The following STXBP5L variants were observed in gnomAD, a reference collection of about 807,000 sequenced individuals.
STXBP5L encodes the protein syntaxin-binding protein 5-like.
In STXBP5L, 65 loss-of-function variants were observed where a neutral mutation model predicts 144.5. The ratio of observed to expected loss-of-function variants is 0.45; its 90% CI spans 0.37 to 0.55. STXBP5L has a LOEUF of 0.55. STXBP5L is among the 20% of genes least tolerant of loss of function. The pLI, the probability that STXBP5L is intolerant of heterozygous loss-of-function variation, is 0.00. For missense variants in STXBP5L, 1,298 were observed against 1,405.5 expected, an observed-to-expected ratio of 0.92 and a Z score of 1.22; for synonymous variants, 505 against 469.6, an observed-to-expected ratio of 1.08 and a Z score of -0.97.
chr3:120,974,564 A>G (rs1382359737), intron 3 of STXBP5L, among the ~76,000 whole-genome samples: 1 of 152,062 alleles, frequency 6.6e-6, no homozygotes, highest in East Asian at 1.9e-4. Flanking sequence ...CCATTTGTCA[A>G]CTTTGGCTTT....
In STXBP5L at chr3:121,235,464, T is replaced by C. The variant is rs530355470; in HGVS notation, c.1184+1776T>C. Among the ~76,000 whole-genome samples, 240 of 152,236 alleles carry C rather than the reference T, an allele frequency of 1.6e-3. 1 individual carries two copies. The highest frequency in any genetic ancestry group is 2.9e-3 in the Non-Finnish European group (197 of 67,988). On this transcript the variant is annotated intron_variant, in intron 12 of 26. Transcript: ENST00000471454. ...TTTCTCTTTTTAATATCTTTTTGCC[T>C]ACTCTTTGCCAATGTACTAAAACAA...
At position 121,363,245 on chromosome 3, in the gene STXBP5L, G is replaced by T. The variant is rs553739005; in HGVS notation, c.2177-15471G>T. The stretch of plus-strand genomic sequence containing the variant: ...AGCAGTCCCTTGGCTGACCCAGCTG[G>T]TGTCTCAATATGTTGTTTGCCCCCG... On this transcript the variant is annotated intron_variant, in intron 20 of 26. Coordinates refer to ENST00000471454, the MANE Select transcript of STXBP5L (RefSeq NM_001308330.2). Among the ~76,000 whole-genome samples the T allele has an allele frequency of 2.2e-4, 34 of 152,228 alleles. No individual in the cohort carries two copies. The South Asian group carries it at 6.2e-3, about 28-fold the overall frequency.
At chr3:120,944,832 T>C (rs1248592683) in intron 2 of STXBP5L, among the ~76,000 whole-genome samples, 1 of 151,818 alleles carries the variant, frequency 6.6e-6, no homozygotes, top group African/African-American at 2.4e-5. Flanking sequence ...TTTTCTTTCA[T>C]CCAAGAGAGC....
At chr3:120,975,755 A>T (rs534221126) in intron 3 of STXBP5L, among the ~76,000 whole-genome samples, 2 of 151,404 alleles carry the variant, frequency 1.3e-5, no homozygotes, top group Non-Finnish European at 2.9e-5. Flanking sequence ...TAGCATGAAG[A>T]GTTGTTGAAT....
rs182058921 is a variant in STXBP5L, at chr3:121,012,973, C to T, written c.288-28727C>T. On this transcript the variant is annotated intron_variant, in intron 3 of 26. Transcript: ENST00000471454. The stretch of plus-strand genomic sequence containing the variant: ...GATTTTCTGTTTCTTTATTAATTTG[C>T]TTATGATAATGGCCTCCAGCTGCAT... Among the ~76,000 whole-genome samples the T allele has an allele frequency of 4.6e-4, 70 of 152,002 alleles. 1 individual carries two copies. The highest frequency in any genetic ancestry group is 1.5e-3 in the African/African-American group (63 of 41,512).
intron 2 of STXBP5L, among the ~76,000 whole-genome samples, chr3:120,954,195 A>G (rs1371563107): frequency 1.3e-5 from 2 of 152,140 alleles, no homozygotes; most frequent in South Asian, 2.1e-4. Context: ...ATAGATTTTA[A>G]TATTTGTTTC....
intron 25 of STXBP5L, among the ~76,000 whole-genome samples, chr3:121,417,492 C>T (rs922014215): frequency 6.7e-6 from 1 of 150,156 alleles, no homozygotes; most frequent in Admixed American, 6.6e-5. Flanking sequence ...AAAAAAGAAT[C>T]TCACTTGGCT....
intron 3 of STXBP5L, among the ~76,000 whole-genome samples, chr3:120,997,902 T>A (rs779951563): frequency 6.6e-5 from 10 of 152,184 alleles, no homozygotes; most frequent in Non-Finnish European, 1.3e-4. Context: ...ATACACTTTA[T>A]ACCTAGAATG....
At chr3:121,097,558 T>C (rs1163308686) in intron 5 of STXBP5L, among the ~76,000 whole-genome samples, 1 of 152,060 alleles carries the variant, frequency 6.6e-6, no homozygotes, top group East Asian at 1.9e-4. Flanking sequence ...CTTCCCTTGG[T>C]TAGGGGAGAA....
intron 20 of STXBP5L, among the ~76,000 whole-genome samples, chr3:121,356,042 T>C (rs2045499959): frequency 6.6e-6 from 1 of 152,210 alleles, no homozygotes; most frequent in South Asian, 2.1e-4. Flanking sequence ...CAAATATTGC[T>C]GCCTAATCCT....
intron 3 of STXBP5L, among the ~76,000 whole-genome samples, chr3:120,999,359 T>G (rs1943593460): frequency 6.6e-6 from 1 of 152,198 alleles, no homozygotes; most frequent in African/African-American, 2.4e-5. Flanking sequence ...TGTTGTGGTT[T>G]AAAGTTTGTT....
intron 20 of STXBP5L, among the ~76,000 whole-genome samples, chr3:121,359,919 C>T (rs1009370146): frequency 7.2e-6 from 1 of 138,918 alleles, no homozygotes; most frequent in South Asian, 2.3e-4. Flanking sequence ...CAGTTTGGTT[C>T]TTTTTGCTTA....
At chr3:120,976,682 A>T (rs1941067493) in intron 3 of STXBP5L, among the ~76,000 whole-genome samples, 1 of 152,146 alleles carries the variant, frequency 6.6e-6, no homozygotes. Flanking sequence ...GTGGGCATTT[A>T]GTGCTATAAA....
chr3:121,174,888 A>G (rs2046872528), intron 9 of STXBP5L, among the ~76,000 whole-genome samples: 1 of 152,068 alleles, frequency 6.6e-6, no homozygotes, highest in Non-Finnish European at 1.5e-5. Context: ...GAGTAACAAA[A>G]CTGTCAATTT....
At chr3:121,251,137 T>TC (rs1462843895) in intron 15 of STXBP5L, among the ~76,000 whole-genome samples, 3 of 152,148 alleles carry the variant, frequency 2.0e-5, no homozygotes, top group Non-Finnish European at 2.9e-5. Flanking sequence ...CACTTTTTTT[T>TC]CCCCACTCAT....
At chr3:121,269,455 A>G (rs1052225280) in intron 18 of STXBP5L, among the ~76,000 whole-genome samples, 11 of 151,956 alleles carry the variant, frequency 7.2e-5, no homozygotes, top group Non-Finnish European at 1.5e-4. Flanking sequence ...ATATATATAG[A>G]CAGAAAATAG....
intron 5 of STXBP5L, among the ~76,000 whole-genome samples, chr3:121,082,530 T>C (rs537771322): frequency 1.3e-5 from 2 of 152,316 alleles, no homozygotes; most frequent in South Asian, 4.1e-4. Flanking sequence ...CCAAGGTCTG[T>C]ACTAATAAGG....
chr3:121,329,202 C>T (rs1463395152), intron 20 of STXBP5L, among the ~76,000 whole-genome samples: 3 of 152,046 alleles, frequency 2.0e-5, no homozygotes, highest in Non-Finnish European at 2.9e-5. Context: ...GTAAAAGTCC[C>T]GTAGGTTGGT....
At chr3:121,112,053 A>T (rs1272254989) in intron 5 of STXBP5L, among the ~76,000 whole-genome samples, 1 of 152,114 alleles carries the variant, frequency 6.6e-6, no homozygotes, top group Non-Finnish European at 1.5e-5. Flanking sequence ...ATTCCTCCTG[A>T]GTCCAAACCG....
Sources: allele counts gnomAD v4.1 joint callset (sites outside exome capture counted in the v4.1 genomes callset), GRCh38; gene constraint gnomAD v4.1.1; transcripts MANE v1.5; gene names NCBI Gene and HGNC (gene_info 2026-07-23, HGNC 2026-07-21).